Variants in CPT1A observed in about 807,000 individuals in gnomAD.
CPT1A encodes carnitine palmitoyltransferase 1A.
Under a neutral mutation model 100.8 loss-of-function variants are expected in CPT1A, and 64 were observed. The observed-to-expected ratio is 0.63, with a 90% CI of 0.52 to 0.78. CPT1A has a LOEUF of 0.78. CPT1A is among the 30% of genes least tolerant of loss of function. The pLI is 0.00. For missense variants in CPT1A, 802 were observed against 1,034.1 expected (o/e 0.78, Z 3.08); for synonymous variants, 363 against 396.0 (o/e 0.92, Z 0.99).
intron 1 of CPT1A, among the ~76,000 whole-genome samples, chr11:68,836,668 A>G (rs1857017072): frequency 6.6e-6 from 1 of 151,928 alleles, no homozygotes; most frequent in Non-Finnish European, 1.5e-5. Flanking sequence ...GCTGCTTGGG[A>G]GGCTGAGGCA....
intron 14 of CPT1A, among the ~76,000 whole-genome samples, chr11:68,771,011 G>A (rs1378662264): frequency 6.6e-6 from 1 of 152,180 alleles, no homozygotes; most frequent in Non-Finnish European, 1.5e-5. Context: ...AGTTTCGCTC[G>A]CTCCTGCCAA....
intron 2 of CPT1A, among the ~76,000 whole-genome samples, chr11:68,813,652 G>A (rs1401360483): frequency 2.7e-5 from 4 of 147,100 alleles, no homozygotes; most frequent in South Asian, 4.4e-4. Flanking sequence ...AGCCGTGATC[G>A]CACCACTGCA....
rs1347307220 is a variant in CPT1A at position 68,841,440 on chromosome 11, C to T, written c.-14+335G>A. ...GTGGGAGACAAGGGAGCCGGTGGCC[C>T]CGCTGGCCCCGGGCCGGAGGCGTCC... On this transcript the variant is annotated intron_variant, in intron 1 of 18. Coordinates refer to ENST00000265641, the MANE Select transcript of CPT1A (RefSeq NM_001876.4). The surrounding 1 kb of genome is among the most constrained non-coding windows in gnomAD (Gnocchi z 6.3). 6.7e-6 allele frequency among the ~76,000 whole-genome samples: 1 copy of T among 150,222 alleles called. No individual in the cohort carries two copies. The highest frequency in any genetic ancestry group is 2.5e-5 in the African/African-American group (1 of 40,764).
chr11:68,816,572 C>T (rs536499262), intron 1 of CPT1A, among the ~76,000 whole-genome samples: 9 of 152,324 alleles, frequency 5.9e-5, no homozygotes, highest in African/African-American at 2.2e-4. Flanking sequence ...CTCCTTGGCA[C>T]AGCCGCTCAG....
At position 68,797,888 on chromosome 11, in the gene CPT1A, G is replaced by C. The variant is rs550752509; in HGVS notation, c.694-955C>G. On this transcript the variant is annotated intron_variant, in intron 6 of 18. Coordinates refer to ENST00000265641, the MANE Select transcript of CPT1A (RefSeq NM_001876.4). ...AGCTACTCAGGAGGCTGAGGCAGGA[G>C]AATTGCTTGAACCTGGGAGGCAGAG... 4.6e-4 allele frequency among the ~76,000 whole-genome samples: 70 copies of C among 152,336 alleles called. 1 individual carries two copies. In the South Asian group the frequency reaches 0.014, roughly 32 times the overall value.
At chr11:68,832,304 G>T (rs2154002704) in intron 1 of CPT1A, among the ~76,000 whole-genome samples, 1 of 152,296 alleles carries the variant, frequency 6.6e-6, no homozygotes, top group East Asian at 1.9e-4. Flanking sequence ...CAAAAAATTA[G>T]CTGGGCTTGG....
rs1467363514 is a variant in CPT1A, at chr11:68,815,253, C to T, written c.141+81G>A. 30 of 1,442,904 alleles carry T rather than the reference C, an allele frequency of 2.1e-5. 1 individual carries two copies. The highest frequency in any genetic ancestry group is 1.6e-4 in the South Asian group (14 of 86,594). 89.4% of individuals were successfully genotyped at this position (1,442,904 alleles called of 1,614,324 possible). On this transcript the variant is annotated intron_variant, in intron 2 of 18. Transcript: ENST00000265641. ...GATATGCAGTCGCCAGTCTGAAACACGTAGACCTCAATAGCAGCCAGAGCC... is the reference window on the plus strand; with the variant it reads ...GATATGCAGTCGCCAGTCTGAAACATGTAGACCTCAATAGCAGCCAGAGCC...
chr11:68,834,517 G>A (rs530528497), intron 1 of CPT1A, among the ~76,000 whole-genome samples: 15 of 152,224 alleles, frequency 9.9e-5, no homozygotes, highest in Admixed American at 5.2e-4. Flanking sequence ...TTTGGCAGGC[G>A]AAGGCAGGAA....
In CPT1A at chr11:68,760,346, G is replaced by A. The variant is rs1398278091; in HGVS notation, c.2029-8C>T. On this transcript the variant is annotated splice_region_variant and splice_polypyrimidine_tract_variant and intron_variant, in intron 16 of 18. Coordinates refer to ENST00000265641, the MANE Select transcript of CPT1A (RefSeq NM_001876.4). ...CCAAGGCTCAGATAAAACCTATTGAGTGAAACAGGGAAATGTTTCCTAATC... is the reference window on the plus strand; with the variant it reads ...CCAAGGCTCAGATAAAACCTATTGAATGAAACAGGGAAATGTTTCCTAATC... 3 of 1,600,664 alleles carry A rather than the reference G, an allele frequency of 1.9e-6. No homozygotes were observed. The highest frequency in any genetic ancestry group is 3.4e-5 in the Admixed American group (2 of 58,654).
chr11:68,842,481 C>T (rs1425915837), upstream of CPT1A, among the ~76,000 whole-genome samples: 1 of 152,034 alleles, frequency 6.6e-6, no homozygotes, highest in African/African-American at 2.4e-5. Flanking sequence ...GACATTGGGT[C>T]CAGATCTGAT....
At chr11:68,839,215 C>G (rs2154003174) in intron 1 of CPT1A, among the ~76,000 whole-genome samples, 1 of 152,314 alleles carries the variant, frequency 6.6e-6, no homozygotes. Flanking sequence ...GCCCTTGGCC[C>G]GCGCAGGCTC....
intron 4 of CPT1A, among the ~76,000 whole-genome samples, chr11:68,804,798 G>A (rs765343907): frequency 5.9e-5 from 9 of 152,200 alleles, no homozygotes; most frequent in Non-Finnish European, 2.9e-5. Flanking sequence ...GAGGGTCAAC[G>A]TGCCTGGCCC....
intron 2 of CPT1A, 116 bp downstream of exon 2, chr11:68,815,218 A>G: frequency 9.6e-7 from 1 of 1,039,198 alleles, no homozygotes; most frequent in South Asian, 1.3e-5. Flanking sequence ...TACCATGGAA[A>G]CAGGTAAGTG....
At chr11:68,812,158 T>C (rs966753429) in intron 3 of CPT1A, among the ~76,000 whole-genome samples, 1 of 152,204 alleles carries the variant, frequency 6.6e-6, no homozygotes, top group Admixed American at 6.5e-5. Flanking sequence ...ACTGTCATTA[T>C]TGACCAAACC....
intron 1 of CPT1A, among the ~76,000 whole-genome samples, chr11:68,831,424 A>C (rs921778497): frequency 1.3e-5 from 2 of 152,178 alleles, no homozygotes; most frequent in African/African-American, 4.8e-5. Context: ...TAAAACAAAC[A>C]ATAAAACTTG....
chr11:68,790,864 C>T (rs954989795), intron 9 of CPT1A, among the ~76,000 whole-genome samples: 12 of 152,224 alleles, frequency 7.9e-5, no homozygotes, highest in African/African-American at 2.6e-4. Context: ...CACTCTGTCA[C>T]TCAAGCTGGA....
chr11:68,755,445 T>A lies in CPT1A; in HGVS notation c.*2199A>T, dbSNP rs1946672398. 1 of 154,810 alleles carries A rather than the reference T, an allele frequency of 6.5e-6. No homozygotes were observed. The highest frequency in any genetic ancestry group is 2.4e-5 in the African/African-American group (1 of 41,506). The allele number at this position is 154,810 out of a possible 1,614,324, so 9.6% of individuals were successfully genotyped here. A position where few individuals can be genotyped will look rare whatever the true frequency, so the allele number is the denominator to read the frequency against. On this transcript the variant is annotated 3_prime_UTR_variant, in exon 19 of 19. Transcript: ENST00000265641. ...TTTTTTTTTAGACGGAGTCTCGCTCTGTCGCCCAGGCTGGAGTGCAGTGGA... is the reference window on the plus strand; with the variant it reads ...TTTTTTTTTAGACGGAGTCTCGCTCAGTCGCCCAGGCTGGAGTGCAGTGGA...
At chr11:68,820,331 G>A (rs893593477) in intron 1 of CPT1A, among the ~76,000 whole-genome samples, 35 of 151,892 alleles carry the variant, frequency 2.3e-4, no homozygotes, top group Admixed American at 2.2e-3. Flanking sequence ...CATGTCTAGT[G>A]ATTTTGCTTT....
At chr11:68,765,104 C>T (rs1043876334) in intron 14 of CPT1A, among the ~76,000 whole-genome samples, 4 of 152,262 alleles carry the variant, frequency 2.6e-5, no homozygotes, top group African/African-American at 4.8e-5. Context: ...CTTCCCGCAT[C>T]TCCTCACTAC....
Sources: allele counts gnomAD v4.1 joint callset (sites outside exome capture counted in the v4.1 genomes callset), GRCh38; gene constraint gnomAD v4.1.1; non-coding constraint Gnocchi (gnomAD v3.1); transcripts MANE v1.5; gene names NCBI Gene and HGNC (gene_info 2026-07-23, HGNC 2026-07-21).